The following CELF2 variants were observed in gnomAD, a reference collection of about 807,000 sequenced individuals.
CELF2 encodes the protein CUGBP Elav-like family member 2, also known as CUG triplet repeat RNA-binding protein 2.
In CELF2, 8 loss-of-function variants were observed where a neutral mutation model predicts 62.6. The ratio of observed to expected loss-of-function variants is 0.13; its 90% CI spans 0.07 to 0.23. The LOEUF (loss-of-function observed/expected upper bound fraction) is 0.23, where lower values mean the gene tolerates loss of function less well. CELF2 is among the 10% of genes least tolerant of loss of function. CELF2 has a pLI of 1.00. For missense variants in CELF2, 333 were observed against 671.0 expected (o/e 0.50, Z 5.56); for synonymous variants, 258 against 250.0 (o/e 1.03, Z -0.30).
intron 1 of CELF2, among the ~76,000 whole-genome samples, chr10:11,155,706 A>C (rs1278190723): frequency 6.6e-6 from 1 of 152,230 alleles, no homozygotes; most frequent in African/African-American, 2.4e-5. Flanking sequence ...TCTCTAAACA[A>C]CTACCGTCAT....
the CELF2 span, among the ~76,000 whole-genome samples, chr10:10,655,458 C>T: frequency 7.8e-6 from 1 of 127,952 alleles, no homozygotes; most frequent in African/African-American, 2.8e-5. Context: ...ATCACACTAC[C>T]TGACTTCAAA....
Position 11,314,007 on chromosome 10 carries a change from A to G in CELF2, c.977-132A>G. 1.1e-6 allele frequency: 1 copy of G among 913,168 alleles called. No individual in the cohort carries two copies. The highest frequency in any genetic ancestry group is 1.7e-6 in the Non-Finnish European group (1 of 590,228). 56.6% of individuals were successfully genotyped at this position (913,168 alleles called of 1,614,324 possible). A position where few individuals can be genotyped will look rare whatever the true frequency, so the allele number is the denominator to read the frequency against. On this transcript the variant is annotated intron_variant, in intron 9 of 12. Coordinates refer to ENST00000633077, the MANE Select transcript of CELF2 (RefSeq NM_001326342.2). This position sits in a 1 kb window ranked among gnomAD's most constrained non-coding sequence, Gnocchi z 5.3. Reference sequence around the variant, plus strand: ...AAAATTGCCACAAGTACAATCCCACATGTCCTTCACCCAAAGCCACAAGCA... The same window carrying G: ...AAAATTGCCACAAGTACAATCCCACGTGTCCTTCACCCAAAGCCACAAGCA...
chr10:10,941,991 CAA>C (rs3029016), intron 2 of CELF2, among the ~76,000 whole-genome samples: 71,063 of 113,032 alleles, frequency 0.63, 20,094 homozygotes, highest in East Asian at 0.86. Flanking sequence ...GACTCTGTCT[CAA>C]AAAAAAAAAA....
At chr10:10,775,214 G>C in the CELF2 span, among the ~76,000 whole-genome samples, 2 of 152,286 alleles carry the variant, frequency 1.3e-5, no homozygotes, top group Middle Eastern at 3.4e-3. Flanking sequence ...AATGTGAGGA[G>C]AGGGTCTTGG....
the CELF2 span, among the ~76,000 whole-genome samples, chr10:10,729,771 T>C: frequency 6.6e-6 from 1 of 151,898 alleles, no homozygotes; most frequent in Non-Finnish European, 1.5e-5. Flanking sequence ...AGAGGGAGAT[T>C]GTCTCAAAAA....
At chr10:10,561,178 A>C in the CELF2 span, among the ~76,000 whole-genome samples, 1 of 152,208 alleles carries the variant, frequency 6.6e-6, no homozygotes, top group East Asian at 1.9e-4. Context: ...AAAATTTTTA[A>C]AAATTTCCTC....
intron 1 of CELF2, among the ~76,000 whole-genome samples, chr10:10,820,191 T>C (rs887955162): frequency 2.0e-5 from 3 of 152,226 alleles, no homozygotes; most frequent in Non-Finnish European, 4.4e-5. Flanking sequence ...CATGTGGAAC[T>C]CTAAGTCCAA....
chr10:11,224,224 T>C lies in CELF2; in HGVS notation c.354+6717T>C, dbSNP rs2065777007. 6.6e-6 allele frequency among the ~76,000 whole-genome samples: 1 copy of C among 152,210 alleles called. No individual in the cohort carries two copies. Among genetic ancestry groups the C allele is most frequent in the Non-Finnish European group, 1.5e-5 (1 of 68,044 alleles). On this transcript the variant is annotated intron_variant, in intron 3 of 12. Transcript: ENST00000633077. This position sits in a 1 kb window ranked among gnomAD's most constrained non-coding sequence, Gnocchi z 4.5. Reference sequence around the variant, plus strand: ...TTTGCAAACAACGTAGTCTCAGCTATATCCCTAATTAATAGGACTGTTGCC... The same window carrying C: ...TTTGCAAACAACGTAGTCTCAGCTACATCCCTAATTAATAGGACTGTTGCC...
chr10:10,818,546 C>CTTTTTTT (rs3028992), intron 1 of CELF2, among the ~76,000 whole-genome samples: 3 of 116,538 alleles, frequency 2.6e-5, no homozygotes, highest in African/African-American at 3.4e-5. Context: ...TAAATATTTC[C>CTTTTTTT]TTTTTTTTTT....
chr10:10,843,853 G>T lies in CELF2; in HGVS notation c.53+45036G>T, dbSNP rs2132583173. Among the ~76,000 whole-genome samples the T allele has an allele frequency of 3.3e-5, 5 of 152,120 alleles. No homozygotes were observed. In the South Asian group the frequency reaches 1.0e-3, roughly 32 times the overall value. ...AGTTGTCTTTTTGCAGATTATGAAA[G>T]TGGGTATCCTTGAAAACGGATGGTA... On this transcript the variant is annotated intron_variant, in intron 1 of 13. Coordinates refer to the CELF2 transcript ENST00000636488.
chr10:10,711,745 G>T, the CELF2 span, among the ~76,000 whole-genome samples: 1 of 152,074 alleles, frequency 6.6e-6, no homozygotes, highest in Non-Finnish European at 1.5e-5. Context: ...AGTCAGGCAT[G>T]GTGGTGCATG....
In CELF2 at chr10:11,110,021, G is replaced by A. The variant is rs940367034; in HGVS notation, c.75-55465G>A. 9.2e-5 allele frequency among the ~76,000 whole-genome samples: 14 copies of A among 152,198 alleles called. No individual in the cohort carries two copies. Among genetic ancestry groups the A allele is most frequent in the African/African-American group, 3.4e-4 (14 of 41,438 alleles). On this transcript the variant is annotated intron_variant, in intron 1 of 12. Coordinates refer to ENST00000633077, the MANE Select transcript of CELF2 (RefSeq NM_001326342.2). The surrounding 1 kb of genome is among the most constrained non-coding windows in gnomAD (Gnocchi z 4.0). ...TGCTTGTAATCCCAGCACTTTGAGA[G>A]GCTGAGGCAGGAGGATGGCTTGAGC... is the stretch of plus-strand genomic sequence containing the variant.
chr10:10,485,506 CA>C, the CELF2 span, among the ~76,000 whole-genome samples: 68 of 152,328 alleles, frequency 4.5e-4, 1 homozygote, highest in African/African-American at 1.5e-3. Context: ...GCAAGGCTGC[CA>C]TTCACAAAGC....
chr10:11,015,287 G>A (rs1194704965), upstream of CELF2, among the ~76,000 whole-genome samples: 3 of 152,036 alleles, frequency 2.0e-5, no homozygotes, highest in Non-Finnish European at 4.4e-5. The surrounding 1 kb of genome is among the most constrained non-coding windows in gnomAD (Gnocchi z 4.8). Flanking sequence ...TTCTTGTTTT[G>A]TTTTCTCAAG....
At chr10:11,053,769 C>T (rs1428415678) in intron 1 of CELF2, among the ~76,000 whole-genome samples, 3 of 151,834 alleles carry the variant, frequency 2.0e-5, no homozygotes, top group Non-Finnish European at 4.4e-5. Context: ...CGCCCACCAC[C>T]ATGCCCGGCT....
the CELF2 span, among the ~76,000 whole-genome samples, chr10:10,474,748 C>A: frequency 6.6e-6 from 1 of 151,998 alleles, no homozygotes; most frequent in Admixed American, 6.6e-5. Flanking sequence ...GAACTGAAGA[C>A]TTTTTGTTTT....
At chr10:10,893,893 C>T (rs906921768) in intron 1 of CELF2, among the ~76,000 whole-genome samples, 1 of 152,168 alleles carries the variant, frequency 6.6e-6, no homozygotes, top group African/African-American at 2.4e-5. Context: ...CTAGGCCCTG[C>T]CTCCAACACT....
chr10:11,099,878 C>CA (rs1200990110), intron 1 of CELF2, among the ~76,000 whole-genome samples: 60 of 102,922 alleles, frequency 5.8e-4, no homozygotes, highest in African/African-American at 2.7e-3. Context: ...AAAACAACAA[C>CA]AACAACAAAA....
intron 2 of CELF2, among the ~76,000 whole-genome samples, chr10:10,968,741 AAC>A (rs946462271): frequency 2.0e-5 from 3 of 152,308 alleles, no homozygotes; most frequent in African/African-American, 7.2e-5. Flanking sequence ...GAAAAAAAAA[AAC>A]ATTCATTTAT....
Sources: allele counts gnomAD v4.1 joint callset (sites outside exome capture counted in the v4.1 genomes callset), GRCh38; gene constraint gnomAD v4.1.1; non-coding constraint Gnocchi (gnomAD v3.1); transcripts MANE v1.5; gene names NCBI Gene and HGNC (gene_info 2026-07-23, HGNC 2026-07-21).